CCDC191: variants seen among roughly 807,000 people sequenced by gnomAD.
CCDC191 encodes coiled-coil domain-containing protein 191.
Under a neutral mutation model 114.0 loss-of-function variants are expected in CCDC191, and 99 were observed. The ratio of observed to expected loss-of-function variants is 0.87; its 90% CI spans 0.74 to 1.03. CCDC191 has a LOEUF of 1.03. Ranked by LOEUF, CCDC191 falls within the 50% of genes least tolerant of loss-of-function variation. CCDC191 has a pLI of 0.00. For synonymous variants in CCDC191, 351 were observed against 376.0 expected, an observed-to-expected ratio of 0.93 and a Z score of 0.77; for missense variants, 973 against 1,087.0, an observed-to-expected ratio of 0.90 and a Z score of 1.47.
intron 13 of CCDC191, chr3:113,983,963 CCT>C (rs1358647932): frequency 6.6e-6 from 1 of 152,150 alleles, no homozygotes; most frequent in Non-Finnish European, 1.5e-5. Context: ...TGAGTGGCCA[CCT>C]TACTGTGGCA....
chr3:114,004,499 T>C, intron 11 of CCDC191, 138 bp downstream of exon 11: 1 of 1,452,754 alleles, frequency 6.9e-7, no homozygotes, highest in Non-Finnish European at 9.1e-7. Context: ...CTCACATGTC[T>C]ACCATTCTGA....
At chr3:113,968,075 A>G (rs1418388966) in intron 16 of CCDC191, among the ~76,000 whole-genome samples, 1 of 152,200 alleles carries the variant, frequency 6.6e-6, no homozygotes, top group Non-Finnish European at 1.5e-5. Flanking sequence ...GGCTATTGTG[A>G]ACAGTGCTGT....
In CCDC191 at chr3:113,996,839, G is replaced by C. The variant is rs372217392; in HGVS notation, c.2163+4756C>G. ...TGAACAATGAGAACACATGGACACA[G>C]GGAGAGGAACAACACACACTGGGGC... On this transcript the variant is annotated intron_variant, in intron 13 of 16. Transcript: ENST00000295878. 8.6e-4 allele frequency among the ~76,000 whole-genome samples: 130 copies of C among 150,760 alleles called. 3 individuals carry two copies. The East Asian group carries it at 0.013, about 15-fold the overall frequency.
At chr3:114,003,726 A>G (rs1221571355) in intron 11 of CCDC191, 2 of 985,322 alleles carry the variant, frequency 2.0e-6, no homozygotes, top group African/African-American at 3.5e-5. Flanking sequence ...TAATGCAAAG[A>G]CTGCCAATTT....
intron 13 of CCDC191, among the ~76,000 whole-genome samples, chr3:113,988,081 C>CA (rs570004230): frequency 2.0e-5 from 3 of 150,112 alleles, no homozygotes; most frequent in Admixed American, 6.6e-5. Flanking sequence ...ATAAAAACTC[C>CA]AAAAAAACAC....
At chr3:114,001,822 T>C (rs2075861933) in intron 12 of CCDC191, 126 bp from the exon 13 acceptor site, 2 of 1,207,114 alleles carry the variant, frequency 1.7e-6, no homozygotes, top group African/African-American at 1.5e-5. Flanking sequence ...GTCTGCATTT[T>C]GTGATAAAAG....
At chr3:113,982,506 A>T (rs988639850) in intron 13 of CCDC191, among the ~76,000 whole-genome samples, 1 of 152,168 alleles carries the variant, frequency 6.6e-6, no homozygotes. Context: ...GGATCTATGT[A>T]GCTAGGGGTT....
At chr3:114,027,352 A>G (rs1448499587) in intron 7 of CCDC191, among the ~76,000 whole-genome samples, 1 of 152,240 alleles carries the variant, frequency 6.6e-6, no homozygotes, top group Non-Finnish European at 1.5e-5. Context: ...GTGGTGGCTC[A>G]TGCCTGTAAT....
intron 11 of CCDC191, chr3:114,003,544 C>T: frequency 1.0e-6 from 1 of 985,376 alleles, no homozygotes; most frequent in Non-Finnish European, 1.2e-6. Context: ...CTTTGCCCAT[C>T]TTTTCTAGAT....
chr3:114,028,246 C>T (rs937575850), intron 7 of CCDC191, among the ~76,000 whole-genome samples: 3 of 151,024 alleles, frequency 2.0e-5, no homozygotes, highest in Non-Finnish European at 3.0e-5. Flanking sequence ...AATTTATTCC[C>T]ACTGTGGTAT....
intron 9 of CCDC191, among the ~76,000 whole-genome samples, chr3:114,007,647 A>G (rs1417008072): frequency 6.6e-6 from 1 of 152,192 alleles, no homozygotes; most frequent in African/African-American, 2.4e-5. Flanking sequence ...TAACATGAAA[A>G]TAAAGAACAT....
intron 13 of CCDC191, among the ~76,000 whole-genome samples, chr3:113,999,184 C>T (rs1228505345): frequency 6.6e-6 from 1 of 152,176 alleles, no homozygotes; most frequent in Non-Finnish European, 1.5e-5. Context: ...ACTATTACCC[C>T]TAGTAATACC....
At chr3:114,023,409 G>A (rs1026497200) in intron 7 of CCDC191, among the ~76,000 whole-genome samples, 2 of 152,126 alleles carry the variant, frequency 1.3e-5, no homozygotes, top group African/African-American at 4.8e-5. Context: ...TCAATCCTAA[G>A]CCAAAAGAAC....
chr3:114,028,098 A>G (rs532047805), intron 7 of CCDC191, among the ~76,000 whole-genome samples: 1 of 152,240 alleles, frequency 6.6e-6, no homozygotes, highest in African/African-American at 2.4e-5. Flanking sequence ...CCATATTACA[A>G]ATGAATAACA....
rs752536646 is a variant in CCDC191 at position 114,010,842 on chromosome 3, T to C, written c.1343A>G (p.Asn448Ser). Residue 448 changes from asparagine to serine, a missense_variant, in exon 9 of 17, where the codon AAT becomes AGT. Asn to Ser is a conservative substitution (Grantham distance 46, BLOSUM62 1). Transcript: ENST00000295878. ...QAASLGKLSA[N>S]GLSGISLPEE... is the part of the protein sequence containing the mutation. ...AGGTAGACTGATGCCTGATAACCCA[T>C]TGGCACTGAGTTTCCCCAGTGATGC... 4.3e-6 allele frequency: 7 copies of C among 1,614,040 alleles called. No individual in the cohort carries two copies. The Admixed American group carries it at 6.7e-5, about 15-fold the overall frequency.
chr3:113,981,776 C>T (rs1264846912), intron 13 of CCDC191, among the ~76,000 whole-genome samples: 1 of 152,146 alleles, frequency 6.6e-6, no homozygotes, highest in East Asian at 1.9e-4. Flanking sequence ...AAGAATTGCT[C>T]TAATTTTCCA....
At chr3:113,989,419 G>T (rs1382766090) in intron 13 of CCDC191, among the ~76,000 whole-genome samples, 6 of 152,094 alleles carry the variant, frequency 3.9e-5, no homozygotes, top group Admixed American at 6.6e-5. Flanking sequence ...GGGTCATAAA[G>T]CAAAACTTTA....
chr3:114,004,826 C>A, intron 10 of CCDC191, 80 bp from the exon 11 acceptor site: 1 of 1,436,186 alleles, frequency 7.0e-7, no homozygotes, highest in Non-Finnish European at 9.4e-7. Flanking sequence ...TGCTCAAAGC[C>A]TTTTACAGAC....
intron 6 of CCDC191, among the ~76,000 whole-genome samples, chr3:114,032,604 A>G (rs995161984): frequency 6.6e-6 from 1 of 152,210 alleles, no homozygotes; most frequent in Non-Finnish European, 1.5e-5. Flanking sequence ...TTGAACTTTT[A>G]GTTCACAGTT....
Sources: allele counts gnomAD v4.1 joint callset (sites outside exome capture counted in the v4.1 genomes callset), GRCh38; gene constraint gnomAD v4.1.1; transcripts MANE v1.5; gene names NCBI Gene and HGNC (gene_info 2026-07-23, HGNC 2026-07-21).